Variants in RALYL observed in about 807,000 individuals in gnomAD.
RALYL encodes the protein RNA-binding Raly-like protein.
A neutral mutation model predicts 35.1 loss-of-function variants in RALYL; 29 were observed. The ratio of observed to expected loss-of-function variants is 0.83; its 90% CI spans 0.61 to 1.13. The LOEUF (loss-of-function observed/expected upper bound fraction) is 1.13, where lower values mean the gene tolerates loss of function less well. Among genes scored for constraint, RALYL ranks in the 50% most tolerant of loss-of-function variants. The probability of loss-of-function intolerance (pLI) is 0.00; values close to 1 mark genes in which losing one functional copy is unlikely to be tolerated. For synonymous variants in RALYL, 120 were observed against 127.6 expected (o/e 0.94, Z 0.40); for missense variants, 359 against 360.4 (o/e 1.00, Z 0.03).
chr8:84,709,383 G>C (rs1173177813), intron 2 of RALYL, among the ~76,000 whole-genome samples: 1 of 151,870 alleles, frequency 6.6e-6, no homozygotes, highest in African/African-American at 2.4e-5. Flanking sequence ...ACATAAATAT[G>C]AATCATTGTA....
chr8:84,484,609 A>T (rs1214366611), intron 1 of RALYL, among the ~76,000 whole-genome samples: 1 of 152,158 alleles, frequency 6.6e-6, no homozygotes, highest in African/African-American at 2.4e-5. Flanking sequence ...ACACGTTAAA[A>T]GAAAAAAAGA....
At chr8:84,805,545 A>G (rs569069007) in intron 4 of RALYL, among the ~76,000 whole-genome samples, 32 of 152,188 alleles carry the variant, frequency 2.1e-4, no homozygotes, top group Non-Finnish European at 3.7e-4. Context: ...TTAGCTGGGC[A>G]TGGTGGCACA....
chr8:84,764,379 C>T (rs199698420), intron 2 of RALYL, among the ~76,000 whole-genome samples: 1 of 152,044 alleles, frequency 6.6e-6, no homozygotes, highest in Non-Finnish European at 1.5e-5. Context: ...TGAATGCTCC[C>T]TGACATTTTA....
intron 2 of RALYL, among the ~76,000 whole-genome samples, chr8:84,625,666 A>C (rs923125353): frequency 5.9e-5 from 9 of 152,368 alleles, no homozygotes; most frequent in Admixed American, 4.6e-4. Flanking sequence ...GAGGTTAAGC[A>C]ACTTGCCAAC....
intron 1 of RALYL, among the ~76,000 whole-genome samples, chr8:84,467,304 A>G (rs2051847319): frequency 6.7e-6 from 1 of 148,786 alleles, no homozygotes; most frequent in South Asian, 2.2e-4. Flanking sequence ...CCCTCTACAC[A>G]CTGCTTTGAA....
chr8:84,416,824 G>T (rs1016278737), intron 1 of RALYL, among the ~76,000 whole-genome samples: 2 of 152,048 alleles, frequency 1.3e-5, no homozygotes, highest in African/African-American at 4.8e-5. Flanking sequence ...TAGAATAAAA[G>T]AATATACTTT....
chr8:84,881,290 T>C (rs562602673), intron 7 of RALYL, among the ~76,000 whole-genome samples: 5 of 152,092 alleles, frequency 3.3e-5, no homozygotes, highest in Admixed American at 3.3e-4. Context: ...ATACAGGTGT[T>C]GTAATATAAA....
intron 1 of RALYL, among the ~76,000 whole-genome samples, chr8:84,244,870 G>C (rs1385170530): frequency 6.6e-6 from 1 of 152,134 alleles, no homozygotes; most frequent in Non-Finnish European, 1.5e-5. Flanking sequence ...CTGAGATTTT[G>C]CCAGATATGT....
intron 1 of RALYL, among the ~76,000 whole-genome samples, chr8:84,209,140 A>AAG (rs1554573020): frequency 2.7e-5 from 4 of 150,898 alleles, no homozygotes; most frequent in Non-Finnish European, 4.4e-5. Context: ...AAAAAAAAAA[A>AAG]AAAAGAAAAG....
chr8:84,633,265 G>A (rs1277197677), intron 2 of RALYL, among the ~76,000 whole-genome samples: 3 of 151,802 alleles, frequency 2.0e-5, no homozygotes, highest in Non-Finnish European at 4.4e-5. Flanking sequence ...ATAGCTAGAT[G>A]AGATTACAGG....
At chr8:84,892,881 TAC>T (rs1256079699) in intron 8 of RALYL, among the ~76,000 whole-genome samples, 1 of 152,206 alleles carries the variant, frequency 6.6e-6, no homozygotes, top group Non-Finnish European at 1.5e-5. Context: ...TGGATTTATC[TAC>T]AGTTAAATTC....
chr8:84,287,858 T>C (rs1395840585), intron 1 of RALYL, among the ~76,000 whole-genome samples: 2 of 152,136 alleles, frequency 1.3e-5, no homozygotes, highest in Non-Finnish European at 2.9e-5. Context: ...GAGGTTGAGA[T>C]ATAACTTTGG....
At chr8:84,513,869 G>C (rs963280532) in intron 1 of RALYL, among the ~76,000 whole-genome samples, 1 of 151,942 alleles carries the variant, frequency 6.6e-6, no homozygotes, top group African/African-American at 2.4e-5. Flanking sequence ...GCCGAGGCAG[G>C]TGGATCACTT....
chr8:84,500,712 T>A (rs939636081), intron 1 of RALYL, among the ~76,000 whole-genome samples: 1 of 152,168 alleles, frequency 6.6e-6, no homozygotes, highest in African/African-American at 2.4e-5. Flanking sequence ...TACAAGACTG[T>A]GTAATCATAT....
chr8:84,790,805 C>T (rs1471917744), intron 3 of RALYL, among the ~76,000 whole-genome samples: 10 of 152,016 alleles, frequency 6.6e-5, no homozygotes, highest in Non-Finnish European at 1.0e-4. Context: ...CCAGAAGTAG[C>T]GGATTGGTTA....
intron 2 of RALYL, among the ~76,000 whole-genome samples, chr8:84,742,025 G>A (rs530377461): frequency 2.6e-5 from 4 of 151,776 alleles, no homozygotes; most frequent in Middle Eastern, 3.4e-3. Context: ...AAAAAGAAGA[G>A]GTGAAAAGAT....
chr8:84,724,514 T>C (rs1238466912), intron 2 of RALYL, among the ~76,000 whole-genome samples: 1 of 151,838 alleles, frequency 6.6e-6, no homozygotes, highest in Non-Finnish European at 1.5e-5. Flanking sequence ...ACTTTAAAAG[T>C]ACCATCTTTG....
intron 4 of RALYL, among the ~76,000 whole-genome samples, chr8:84,815,085 C>T (rs1049293374): frequency 6.6e-5 from 10 of 152,174 alleles, no homozygotes; most frequent in African/African-American, 1.9e-4. Context: ...AGAAAATCTT[C>T]GAAATGTAAT....
intron 1 of RALYL, among the ~76,000 whole-genome samples, chr8:84,516,479 T>A (rs1380077709): frequency 6.6e-6 from 1 of 151,998 alleles, no homozygotes; most frequent in Non-Finnish European, 1.5e-5. Context: ...AGCACTACAG[T>A]TTGAAGCATT....
Sources: allele counts gnomAD v4.1 joint callset (sites outside exome capture counted in the v4.1 genomes callset), GRCh38; gene constraint gnomAD v4.1.1; transcripts MANE v1.5; gene names NCBI Gene and HGNC (gene_info 2026-07-23, HGNC 2026-07-21).